Variants in NRXN3 observed in about 807,000 individuals in gnomAD.
NRXN3 encodes neurexin 3, also known as neurexin III.
Under a neutral mutation model 137.6 loss-of-function variants are expected in NRXN3, and 32 were observed. The observed-to-expected ratio is 0.23, with a 90% confidence interval of 0.18 to 0.31. The LOEUF is 0.31. Ranked by LOEUF, NRXN3 falls within the 10% of genes least tolerant of loss-of-function variation. NRXN3 has a pLI of 1.00. For missense variants in NRXN3, 1,574 were observed against 2,062.5 expected, an observed-to-expected ratio of 0.76 and a Z score of 4.59; for synonymous variants, 798 against 784.5, an observed-to-expected ratio of 1.02 and a Z score of -0.29.
chr14:79,344,201 G>C (rs2092756373), intron 15 of NRXN3, among the ~76,000 whole-genome samples: 1 of 152,034 alleles, frequency 6.6e-6, no homozygotes, highest in Admixed American at 6.5e-5. Context: ...GAAATAGGTG[G>C]GGTTGTGCTA....
intron 4 of NRXN3, among the ~76,000 whole-genome samples, chr14:78,351,365 G>T (rs1192369861): frequency 6.6e-6 from 1 of 152,124 alleles, no homozygotes; most frequent in Non-Finnish European, 1.5e-5. Context: ...GGAATTTTTA[G>T]TCTTAAGGAA....
chr14:79,282,511 C>T (rs1449258499), intron 15 of NRXN3, among the ~76,000 whole-genome samples: 2 of 152,134 alleles, frequency 1.3e-5, no homozygotes, highest in Non-Finnish European at 2.9e-5. Flanking sequence ...CTCTCTCTCT[C>T]TCTCATAAAG....
chr14:78,711,995 CAG>C (rs1018009068), intron 7 of NRXN3, among the ~76,000 whole-genome samples: 55 of 152,274 alleles, frequency 3.6e-4, no homozygotes, highest in African/African-American at 1.3e-3. Context: ...ATATAACAAA[CAG>C]TGATCTAGAA....
intron 16 of NRXN3, among the ~76,000 whole-genome samples, chr14:79,615,929 TAAG>T (rs1393636010): frequency 6.6e-6 from 1 of 152,122 alleles, no homozygotes; most frequent in Non-Finnish European, 1.5e-5. Context: ...ATTCCCATCT[TAAG>T]AATGAGGAAA....
rs139739151 is a variant in NRXN3, at chr14:79,591,849, C to T, written c.3445-71929C>T. Among the ~76,000 whole-genome samples the T allele has an allele frequency of 3.2e-3, 484 of 152,220 alleles. 4 individuals carry two copies. Among genetic ancestry groups the T allele is most frequent in the African/African-American group, 0.011 (458 of 41,524 alleles). On this transcript the variant is annotated intron_variant, in intron 16 of 20. Coordinates refer to ENST00000335750, the MANE Select transcript of NRXN3 (RefSeq NM_001330195.2). ...CTTCACAGTCATTTCATGATAGACCCGATTTCTTACACTGAAATTCATTTT... is the reference window on the plus strand; with the variant it reads ...CTTCACAGTCATTTCATGATAGACCTGATTTCTTACACTGAAATTCATTTT...
chr14:79,054,428 A>G (rs2099651285), intron 15 of NRXN3, among the ~76,000 whole-genome samples: 1 of 152,162 alleles, frequency 6.6e-6, no homozygotes, highest in Admixed American at 6.5e-5. Context: ...TTCCTTGATG[A>G]CCATCTCCTA....
chr14:78,990,922 G>A (rs1198632929), intron 15 of NRXN3, among the ~76,000 whole-genome samples: 1 of 152,116 alleles, frequency 6.6e-6, no homozygotes, highest in Non-Finnish European at 1.5e-5. Flanking sequence ...ATTTTCTATA[G>A]CAGCCTTGAC....
Position 79,434,811 on chromosome 14 carries a change from G to A in NRXN3, c.3263-32410G>A, listed in dbSNP as rs532602965. On this transcript the variant is annotated intron_variant, in intron 15 of 20. Transcript: ENST00000335750. ...CGGCTAAAGCCTCAGCCAGTCCCAC[G>A]GTGAGCTCTGAAGTTAGGTTGTCCC... is the stretch of plus-strand genomic sequence containing the variant. 3.9e-5 allele frequency among the ~76,000 whole-genome samples: 6 copies of A among 152,264 alleles called. No homozygotes were observed. In the South Asian group the frequency reaches 1.2e-3, roughly 32 times the overall value.
At chr14:79,234,356 T>TA (rs2072990862) in intron 15 of NRXN3, among the ~76,000 whole-genome samples, 1 of 131,700 alleles carries the variant, frequency 7.6e-6, no homozygotes, top group African/African-American at 2.8e-5. Flanking sequence ...TATATATATA[T>TA]TATATATGTA....
chr14:78,850,127 C>A (rs767398865), intron 10 of NRXN3, among the ~76,000 whole-genome samples: 1 of 151,774 alleles, frequency 6.6e-6, no homozygotes, highest in Non-Finnish European at 1.5e-5. Context: ...TAGGCTGCCA[C>A]TAATACCTGA....
At chr14:79,143,694 C>T (rs1358107469) in intron 15 of NRXN3, among the ~76,000 whole-genome samples, 1 of 152,198 alleles carries the variant, frequency 6.6e-6, no homozygotes, top group Non-Finnish European at 1.5e-5. Context: ...GCTTTGCTCA[C>T]TCTTTAGAGG....
intron 15 of NRXN3, among the ~76,000 whole-genome samples, chr14:79,292,884 G>A (rs1436551839): frequency 6.6e-6 from 1 of 152,212 alleles, no homozygotes; most frequent in Admixed American, 6.5e-5. Context: ...CAGACGTAGG[G>A]AGGTTTCAGT....
At chr14:79,216,281 G>A (rs770828229) in intron 15 of NRXN3, among the ~76,000 whole-genome samples, 93 of 152,180 alleles carry the variant, frequency 6.1e-4, no homozygotes, top group Non-Finnish European at 1.2e-3. Flanking sequence ...GAAGTCCTGA[G>A]AGGAAGTATC....
chr14:79,295,089 C>T (rs2083836650), intron 15 of NRXN3, among the ~76,000 whole-genome samples: 2 of 152,148 alleles, frequency 1.3e-5, no homozygotes, highest in South Asian at 2.1e-4. Context: ...AGGCTGGCCC[C>T]TTATCTTTAT....
intron 10 of NRXN3, among the ~76,000 whole-genome samples, chr14:78,911,334 AT>A (rs2099236988): frequency 6.6e-6 from 1 of 152,124 alleles, no homozygotes; most frequent in African/African-American, 2.4e-5. Context: ...GTCATGAGGA[AT>A]TTTCTGAACT....
At chr14:78,309,961 G>C (rs2077777995) in intron 4 of NRXN3, among the ~76,000 whole-genome samples, 1 of 151,932 alleles carries the variant, frequency 6.6e-6, no homozygotes, top group African/African-American at 2.4e-5. Flanking sequence ...ACTGCTTCCT[G>C]GTAAAATACA....
At chr14:78,226,099 G>C (rs1361268284) in intron 1 of NRXN3, among the ~76,000 whole-genome samples, 1 of 151,994 alleles carries the variant, frequency 6.6e-6, no homozygotes, top group Non-Finnish European at 1.5e-5. Context: ...TGCCTCCTGG[G>C]TTCAAGCGAT....
chr14:78,387,043 A>T (rs1031984929), intron 4 of NRXN3, among the ~76,000 whole-genome samples: 1 of 152,036 alleles, frequency 6.6e-6, no homozygotes, highest in African/African-American at 2.4e-5. Context: ...GGCCTCCCAA[A>T]ATGCTGGGAT....
At chr14:78,307,263 T>G (rs2077463509) in intron 4 of NRXN3, among the ~76,000 whole-genome samples, 2 of 152,096 alleles carry the variant, frequency 1.3e-5, no homozygotes, top group Non-Finnish European at 2.9e-5. Flanking sequence ...AAATAGAATA[T>G]GCCCATCACT....
Sources: allele counts gnomAD v4.1 joint callset (sites outside exome capture counted in the v4.1 genomes callset), GRCh38; gene constraint gnomAD v4.1.1; transcripts MANE v1.5; gene names NCBI Gene and HGNC (gene_info 2026-07-23, HGNC 2026-07-21).